The following MUSK variants were observed in gnomAD, a reference collection of about 807,000 sequenced individuals.
MUSK encodes the protein muscle, skeletal receptor tyrosine-protein kinase.
A neutral mutation model predicts 88.7 loss-of-function variants in MUSK; 55 were observed. That is an observed-to-expected ratio of 0.62 (90% confidence interval 0.50 to 0.78). The LOEUF (loss-of-function observed/expected upper bound fraction) is 0.78. Ranked by LOEUF, MUSK falls within the 30% of genes least tolerant of loss-of-function variation. MUSK has a pLI of 0.00. For missense variants in MUSK, 1,015 were observed against 1,074.3 expected, an observed-to-expected ratio of 0.94 and a Z score of 0.77; for synonymous variants, 387 against 391.9, an observed-to-expected ratio of 0.99 and a Z score of 0.15.
chr9:110,775,557 CATTA>C (rs2077654209), intron 9 of MUSK: 5 of 540,428 alleles, frequency 9.3e-6, no homozygotes, highest in East Asian at 6.6e-5. Flanking sequence ...CTTAGACTAG[CATTA>C]ATTGTGTTTC....
At chr9:110,671,223 G>C (rs1014025882) in intron 1 of MUSK, among the ~76,000 whole-genome samples, 19 of 152,082 alleles carry the variant, frequency 1.2e-4, no homozygotes, top group Non-Finnish European at 2.6e-4. Flanking sequence ...GCCTGCCTCG[G>C]CCTCCCAAAG....
chr9:110,689,220 A>T (rs1190529083), intron 3 of MUSK, among the ~76,000 whole-genome samples: 66 of 88,252 alleles, frequency 7.5e-4, no homozygotes, highest in Non-Finnish European at 1.1e-3. Context: ...TATATAATAT[A>T]TAATATATAA....
rs373688070 is a variant in MUSK, at chr9:110,800,531, A to G, written c.2153A>G (p.Glu718Gly). 2 of 1,613,682 alleles carry G rather than the reference A, an allele frequency of 1.2e-6. No homozygotes were observed. Among genetic ancestry groups the G allele is most frequent in the African/African-American group, 2.7e-5 (2 of 74,832 alleles). The change falls in exon 15 of 15, where the codon GAA becomes GGA. Residue 718 changes from glutamate (E) to glycine (G), a missense_variant. Physicochemically the swap from Glu to Gly is moderately conservative, Grantham distance 98. Transcript: ENST00000374448. ...GCAGCTGGCATGGCTTACCTCTCAGAACGTAAGTTTGTTCACCGAGATTTA... is the reference window on the plus strand; with the variant it reads ...GCAGCTGGCATGGCTTACCTCTCAGGACGTAAGTTTGTTCACCGAGATTTA... The part of the protein sequence containing the change: ...QVAAGMAYLS[E>G]RKFVHRDLAT...
In MUSK at chr9:110,746,802, GGTATTATGTAT is replaced by G. The variant is rs546721890; in HGVS notation, c.754-825_754-815del. Among the ~76,000 whole-genome samples, 41 of 152,194 alleles carry G rather than the reference GGTATTATGTAT, an allele frequency of 2.7e-4. No homozygotes were observed. In the East Asian group the frequency reaches 6.4e-3, roughly 24 times the overall value. On this transcript the variant is annotated intron_variant, in intron 6 of 14. Coordinates refer to ENST00000374448, the MANE Select transcript of MUSK (RefSeq NM_005592.4). ...CTAAGGATGTTTTCGGTGACCTTGA[GGTATTATGTAT>G]GTATTATGTATGTCATGCCTCAGAG...
intron 7 of MUSK, among the ~76,000 whole-genome samples, chr9:110,748,978 C>T (rs556617832): frequency 6.6e-6 from 1 of 152,056 alleles, no homozygotes; most frequent in Admixed American, 6.5e-5. Context: ...AATTATTTCT[C>T]CCAGAAAATG....
chr9:110,758,581 A>T (rs946363223), intron 7 of MUSK, among the ~76,000 whole-genome samples: 1 of 152,172 alleles, frequency 6.6e-6, no homozygotes, highest in Non-Finnish European at 1.5e-5. Context: ...GCAATCAGAT[A>T]AGGGAAAGAA....
chr9:110,728,824 TAACA>T (rs1329066639), intron 5 of MUSK: 6 of 823,836 alleles, frequency 7.3e-6, no homozygotes, highest in South Asian at 2.3e-5. Context: ...TTTAAAGAAA[TAACA>T]AACAATGTAT....
At chr9:110,786,247 G>GC (rs1198629236) in intron 13 of MUSK, among the ~76,000 whole-genome samples, 1 of 147,852 alleles carries the variant, frequency 6.8e-6, no homozygotes, top group Non-Finnish European at 1.5e-5. Context: ...GAAGACAGAG[G>GC]TTGCAGTGAG....
chr9:110,763,900 A>T (rs1054429859), intron 8 of MUSK, among the ~76,000 whole-genome samples: 1 of 152,206 alleles, frequency 6.6e-6, no homozygotes, highest in South Asian at 2.1e-4. Flanking sequence ...GTTTCAAAGT[A>T]GAGAGAAATA....
chr9:110,798,643 T>C (rs1367854814), intron 14 of MUSK, among the ~76,000 whole-genome samples: 4 of 152,094 alleles, frequency 2.6e-5, no homozygotes, highest in Non-Finnish European at 4.4e-5. Context: ...TGAAAACCCA[T>C]AGTGAGCCAT....
intron 14 of MUSK, among the ~76,000 whole-genome samples, chr9:110,789,652 G>A (rs1413345275): frequency 6.6e-6 from 1 of 152,136 alleles, no homozygotes; most frequent in East Asian, 1.9e-4. Flanking sequence ...GGTGGCACAC[G>A]CTTGTAATCC....
intron 1 of MUSK, among the ~76,000 whole-genome samples, chr9:110,679,195 C>T (rs528089782): frequency 6.6e-5 from 10 of 151,914 alleles, no homozygotes; most frequent in Non-Finnish European, 1.2e-4. Context: ...TAAAGGGTTA[C>T]ACTATGTTAA....
intron 5 of MUSK, among the ~76,000 whole-genome samples, chr9:110,718,521 A>C (rs964035969): frequency 6.6e-6 from 1 of 152,090 alleles, no homozygotes; most frequent in Non-Finnish European, 1.5e-5. Context: ...AACCAAATCC[A>C]TCAAAGACAA....
At chr9:110,739,365 A>C (rs1181168561) in intron 6 of MUSK, among the ~76,000 whole-genome samples, 4 of 152,176 alleles carry the variant, frequency 2.6e-5, no homozygotes, top group African/African-American at 9.7e-5. Context: ...AAGTATTGTC[A>C]ACCAAGGAGG....
intron 5 of MUSK, among the ~76,000 whole-genome samples, chr9:110,718,172 C>A (rs1314843270): frequency 6.6e-6 from 1 of 152,018 alleles, no homozygotes; most frequent in African/African-American, 2.4e-5. Context: ...ATGTGGGTCT[C>A]TCCTCAGGCT....
intron 1 of MUSK, among the ~76,000 whole-genome samples, chr9:110,673,617 T>C (rs2075988837): frequency 6.6e-6 from 1 of 152,162 alleles, no homozygotes. Flanking sequence ...CAAGACATTC[T>C]AAGACTCACT....
intron 6 of MUSK, among the ~76,000 whole-genome samples, chr9:110,746,370 G>C (rs1437415662): frequency 1.3e-5 from 2 of 152,154 alleles, no homozygotes; most frequent in East Asian, 3.8e-4. Flanking sequence ...GTTCATGGTT[G>C]GTTGATTTGT....
chr9:110,707,324 C>G (rs967627529), intron 5 of MUSK, among the ~76,000 whole-genome samples: 10 of 152,126 alleles, frequency 6.6e-5, no homozygotes, highest in Non-Finnish European at 1.0e-4. Flanking sequence ...TTGCAAAAGA[C>G]TCATTTAAAA....
At chr9:110,679,411 C>T (rs375368730) in intron 1 of MUSK, among the ~76,000 whole-genome samples, 1 of 151,700 alleles carries the variant, frequency 6.6e-6, no homozygotes, top group Non-Finnish European at 1.5e-5. Flanking sequence ...TTTGGGATAT[C>T]GTTTGCTTTA....
Sources: allele counts gnomAD v4.1 joint callset (sites outside exome capture counted in the v4.1 genomes callset), GRCh38; gene constraint gnomAD v4.1.1; transcripts MANE v1.5; gene names NCBI Gene and HGNC (gene_info 2026-07-23, HGNC 2026-07-21).